The following MPPED1 variants were observed in gnomAD, a reference collection of about 807,000 sequenced individuals.
MPPED1 encodes metallophosphoesterase domain containing 1.
MPPED1 carries 16 observed loss-of-function variants against 36.2 expected under a neutral mutation model. That is an observed-to-expected ratio of 0.44 (90% CI 0.30 to 0.67). The LOEUF (loss-of-function observed/expected upper bound fraction) is 0.67. Ranked by LOEUF, MPPED1 falls within the 30% of genes least tolerant of loss-of-function variation. MPPED1 has a pLI of 0.10. For missense variants in MPPED1, 307 were observed against 453.4 expected (o/e 0.68, Z 2.93); for synonymous variants, 199 against 191.3 (o/e 1.04, Z -0.33).
chr22:43,484,640 G>A (rs1931853552), intron 4 of MPPED1, among the ~76,000 whole-genome samples: 1 of 152,228 alleles, frequency 6.6e-6, no homozygotes, highest in Non-Finnish European at 1.5e-5. Context: ...CATGCGGCTG[G>A]GGTATTGTGG....
intron 1 of MPPED1, chr22:43,418,597 T>C (rs1045934556): frequency 5.8e-6 from 1 of 172,440 alleles, no homozygotes; most frequent in African/African-American, 2.4e-5. Context: ...CTCCTCAAAA[T>C]AGAGTTCTGA....
chr22:43,473,312 C>T (rs1931438850), intron 3 of MPPED1, among the ~76,000 whole-genome samples: 1 of 152,158 alleles, frequency 6.6e-6, no homozygotes, highest in African/African-American at 2.4e-5. Context: ...GCACCTTGCC[C>T]TGTGTGTGCT....
chr22:43,495,489 AGGTAGTGGT>A (rs1932255114), intron 4 of MPPED1, among the ~76,000 whole-genome samples: 1 of 10,480 alleles, frequency 9.5e-5, no homozygotes, highest in Non-Finnish European at 1.5e-4. Context: ...GTGGTGGTGG[AGGTAGTGGT>A]GGTGGAGGTG....
intron 3 of MPPED1, among the ~76,000 whole-genome samples, chr22:43,454,676 G>A (rs1225766521): frequency 6.6e-6 from 1 of 152,090 alleles, no homozygotes; most frequent in Non-Finnish European, 1.5e-5. Flanking sequence ...TCAGCCTCCT[G>A]AATAGCTGGG....
At chr22:43,491,275 G>A (rs1057108619) in intron 4 of MPPED1, among the ~76,000 whole-genome samples, 8 of 152,154 alleles carry the variant, frequency 5.3e-5, no homozygotes, top group Non-Finnish European at 8.8e-5. Context: ...AGGAGGTGAT[G>A]GTGATGGTGG....
chr22:43,460,450 C>T (rs918662084), intron 3 of MPPED1, among the ~76,000 whole-genome samples: 1 of 151,876 alleles, frequency 6.6e-6, no homozygotes, highest in African/African-American at 2.4e-5. Flanking sequence ...CCTGCCTCGG[C>T]CTCCTGAGTA....
At position 43,507,520 on chromosome 22, in the gene MPPED1, C is replaced by T. The variant is rs1487256821; in HGVS notation, c.*1904C>T. The T allele has an allele frequency of 2.0e-5, 3 of 152,192 alleles. No homozygotes were observed. Among genetic ancestry groups the T allele is most frequent in the Admixed American group, 6.5e-5 (1 of 15,280 alleles). 9.4% of individuals were successfully genotyped at this position (152,192 alleles called of 1,614,324 possible). A position where few individuals can be genotyped will look rare whatever the true frequency, so the allele number is the denominator to read the frequency against. On this transcript the variant is annotated 3_prime_UTR_variant, in exon 7 of 7. Transcript: ENST00000443721. ...GTAGCCAGGGATGTTTATGAGGTCTCTCTGATGCCCCAGGCGCAGGACATG... is the reference window on the plus strand; with the variant it reads ...GTAGCCAGGGATGTTTATGAGGTCTTTCTGATGCCCCAGGCGCAGGACATG...
intron 4 of MPPED1, among the ~76,000 whole-genome samples, chr22:43,477,464 C>T (rs1039871479): frequency 3.3e-5 from 5 of 152,210 alleles, no homozygotes; most frequent in South Asian, 2.1e-4. Context: ...CCACTCTGGC[C>T]GCTACCCTCC....
intron 3 of MPPED1, among the ~76,000 whole-genome samples, chr22:43,445,309 TC>T (rs1376534821): frequency 3.3e-5 from 5 of 152,104 alleles, no homozygotes; most frequent in Non-Finnish European, 5.9e-5. Flanking sequence ...GTGCTTTCTA[TC>T]CCCCCCACCT....
At position 43,505,546 on chromosome 22, in the gene MPPED1, T is replaced by C; in HGVS notation, c.911T>C (p.Val304Ala). ...DGTTTYVNAS[V>A]CTVNYQPVNP... ...ACGACCACCTATGTGAATGCGTCCG[T>C]ATGCACTGTGAACTACCAGCCCGTG... Residue 304 changes from valine (V) to alanine (A), a missense_variant, in exon 7 of 7, where the codon GTA becomes GCA. Transcript: ENST00000443721. The C allele has an allele frequency of 6.2e-7, 1 of 1,612,818 alleles. No individual in the cohort carries two copies.
chr22:43,495,537 AGAT>A (rs1311692346), intron 4 of MPPED1, among the ~76,000 whole-genome samples: 25 of 14,870 alleles, frequency 1.7e-3, no homozygotes, highest in African/African-American at 4.8e-3. Context: ...GTGGTGGTGG[AGAT>A]GGTGGTGGTG....
chr22:43,439,787 G>T (rs1395643910), intron 3 of MPPED1, among the ~76,000 whole-genome samples: 1 of 152,172 alleles, frequency 6.6e-6, no homozygotes, highest in African/African-American at 2.4e-5. Context: ...TTCAACACCA[G>T]CAGCACCATT....
chr22:43,434,309 G>C (rs1224803613), intron 2 of MPPED1, among the ~76,000 whole-genome samples: 1 of 152,232 alleles, frequency 6.6e-6, no homozygotes, highest in Non-Finnish European at 1.5e-5. Flanking sequence ...TGATCACACT[G>C]TCTTACGGTT....
At chr22:43,414,376 C>T (rs1388761550) in intron 1 of MPPED1, among the ~76,000 whole-genome samples, 2 of 151,952 alleles carry the variant, frequency 1.3e-5, no homozygotes, top group African/African-American at 4.8e-5. Flanking sequence ...GCTGGGATTC[C>T]GTGAAGGGCA....
chr22:43,438,559 AT>A (rs1399285821), intron 3 of MPPED1, among the ~76,000 whole-genome samples: 2 of 151,930 alleles, frequency 1.3e-5, no homozygotes, highest in African/African-American at 4.8e-5. Context: ...GCCATGATGG[AT>A]TGTAGAACCA....
intron 3 of MPPED1, among the ~76,000 whole-genome samples, chr22:43,444,321 T>C (rs1373309318): frequency 2.9e-5 from 4 of 139,566 alleles, no homozygotes. Flanking sequence ...TGTGTGTGTG[T>C]ATCAAACATG....
intron 4 of MPPED1, among the ~76,000 whole-genome samples, chr22:43,477,178 TG>T (rs1569083050): frequency 6.6e-6 from 1 of 152,204 alleles, no homozygotes; most frequent in Admixed American, 6.5e-5. Context: ...ACCACATGTC[TG>T]AACCTCTGTT....
chr22:43,436,278 C>G (rs746084298), intron 3 of MPPED1, among the ~76,000 whole-genome samples: 1 of 152,314 alleles, frequency 6.6e-6, no homozygotes, highest in South Asian at 2.1e-4. Context: ...GGCGTGGGTG[C>G]GGGGCCGCTC....
intron 2 of MPPED1, among the ~76,000 whole-genome samples, chr22:43,427,568 AG>A (rs1929521889): frequency 2.6e-5 from 4 of 152,026 alleles, no homozygotes; most frequent in Admixed American, 2.6e-4. Context: ...ACTGAATGAG[AG>A]GGGGTGATCT....
Sources: gnomAD v4.1 joint callset for allele counts (sites outside exome capture counted in the v4.1 genomes callset) on GRCh38, gnomAD v4.1.1 for gene constraint, MANE v1.5 for transcripts, NCBI Gene and HGNC (gene_info 2026-07-23, HGNC 2026-07-21) for gene names.